The following ELMO1 variants were observed in gnomAD, a reference collection of about 807,000 sequenced individuals.
ELMO1 encodes engulfment and cell motility protein 1.
ELMO1 carries 26 observed loss-of-function variants against 98.9 expected under a neutral mutation model. The observed-to-expected ratio is 0.26, with a 90% CI of 0.19 to 0.36. The LOEUF (loss-of-function observed/expected upper bound fraction) is 0.36. Among genes scored for constraint, ELMO1 ranks in the 10% least tolerant of loss-of-function variants. The pLI, the probability that ELMO1 is intolerant of heterozygous loss-of-function variation, is 1.00. For missense variants in ELMO1, 627 were observed against 935.2 expected, an observed-to-expected ratio of 0.67 and a Z score of 4.30; for synonymous variants, 346 against 346.0, an observed-to-expected ratio of 1.00 and a Z score of 0.00.
At chr7:37,034,727 C>A (rs1584544240) in intron 15 of ELMO1, among the ~76,000 whole-genome samples, 2 of 152,094 alleles carry the variant, frequency 1.3e-5, no homozygotes, top group East Asian at 3.9e-4. Context: ...TAGACTGTTT[C>A]AGTTTCTTTG....
chr7:37,082,678 C>T (rs977886349), intron 15 of ELMO1, among the ~76,000 whole-genome samples: 11 of 152,126 alleles, frequency 7.2e-5, no homozygotes, highest in African/African-American at 2.4e-4. Context: ...TTGCAGTGAG[C>T]TGTGACTGCG....
At chr7:37,420,638 T>C (rs1804433803) in intron 1 of ELMO1, among the ~76,000 whole-genome samples, 2 of 152,354 alleles carry the variant, frequency 1.3e-5, no homozygotes, top group Admixed American at 1.3e-4. Flanking sequence ...TAGACACTGA[T>C]GCCCCGTGTA....
At chr7:37,378,552 G>A (rs1409329743) in intron 1 of ELMO1, among the ~76,000 whole-genome samples, 1 of 151,254 alleles carries the variant, frequency 6.6e-6, no homozygotes, top group Non-Finnish European at 1.5e-5. Context: ...GAGATAAAAG[G>A]AACAAATGTC....
chr7:36,939,658 G>T (rs546994537), intron 16 of ELMO1, among the ~76,000 whole-genome samples: 158 of 152,308 alleles, frequency 1.0e-3, no homozygotes, highest in African/African-American at 3.2e-3. Context: ...TATAGACAAG[G>T]GTTCCCATGT....
At chr7:37,021,193 T>G (rs1046355273) in intron 15 of ELMO1, among the ~76,000 whole-genome samples, 24 of 152,214 alleles carry the variant, frequency 1.6e-4, no homozygotes, top group African/African-American at 4.6e-4. Flanking sequence ...GGTCAAGAAC[T>G]TGAAGTTCCT....
intron 1 of ELMO1, among the ~76,000 whole-genome samples, chr7:37,432,652 T>C (rs1804979350): frequency 1.3e-5 from 2 of 152,196 alleles, no homozygotes; most frequent in African/African-American, 4.8e-5. Context: ...GCTCTCAGAA[T>C]GTAATAAACG....
intron 15 of ELMO1, among the ~76,000 whole-genome samples, chr7:37,064,768 G>T (rs542319726): frequency 1.3e-5 from 2 of 152,168 alleles, no homozygotes; most frequent in East Asian, 3.9e-4. Flanking sequence ...CAGAGACTAG[G>T]CTCCATCAGT....
intron 5 of ELMO1, chr7:37,271,608 A>C (rs746633336): frequency 2.0e-6 from 1 of 506,550 alleles, no homozygotes; most frequent in Non-Finnish European, 3.5e-6. Flanking sequence ...CCTGGGCCGC[A>C]GGTTAGACAA....
chr7:37,144,248 TTCTCTCTC>T (rs150352368), intron 13 of ELMO1, among the ~76,000 whole-genome samples: 1 of 149,472 alleles, frequency 6.7e-6, no homozygotes, highest in African/African-American at 2.4e-5. Flanking sequence ...TATGTTCTCA[TTCTCTCTC>T]TCTCTCTCTC....
intron 13 of ELMO1, among the ~76,000 whole-genome samples, chr7:37,160,022 C>T (rs1009787277): frequency 6.6e-6 from 1 of 152,166 alleles, no homozygotes; most frequent in Non-Finnish European, 1.5e-5. Context: ...TAGTATCTGA[C>T]TATCGCAAAC....
At chr7:36,942,875 C>T (rs1248607067) in intron 16 of ELMO1, among the ~76,000 whole-genome samples, 1 of 152,162 alleles carries the variant, frequency 6.6e-6, no homozygotes, top group East Asian at 1.9e-4. Flanking sequence ...TGATAAGATG[C>T]TCGCAGGAAA....
intron 18 of ELMO1, among the ~76,000 whole-genome samples, chr7:36,887,141 G>A (rs996165735): frequency 6.6e-6 from 1 of 152,118 alleles, no homozygotes; most frequent in Non-Finnish European, 1.5e-5. Flanking sequence ...TGTACACTGG[G>A]CACAATCCTA....
rs562678872 is a variant in ELMO1, at chr7:36,909,646, GA to G, written c.1438-14630del. 3.9e-5 allele frequency among the ~76,000 whole-genome samples: 6 copies of G among 152,328 alleles called. No homozygotes were observed. The East Asian group carries it at 1.2e-3, about 29-fold the overall frequency. ...GGTACACAAAGACTGATTAAATGCT[GA>G]AAAAACTGTAATGCTGAAAATGTTA... On this transcript the variant is annotated intron_variant, in intron 16 of 21. Coordinates refer to ENST00000310758, the MANE Select transcript of ELMO1 (RefSeq NM_014800.11).
At chr7:37,215,951 C>G (rs535082525) in intron 11 of ELMO1, among the ~76,000 whole-genome samples, 5 of 152,128 alleles carry the variant, frequency 3.3e-5, no homozygotes, top group Admixed American at 6.5e-5. Flanking sequence ...TTTGGAATCA[C>G]GCAAACAGAG....
chr7:37,052,801 G>T (rs1038700749), intron 15 of ELMO1, among the ~76,000 whole-genome samples: 4 of 152,216 alleles, frequency 2.6e-5, no homozygotes, highest in Admixed American at 6.5e-5. Context: ...GTAGGGATAA[G>T]GTTAGGGCCA....
chr7:36,914,090 G>C (rs1784522790), intron 16 of ELMO1, among the ~76,000 whole-genome samples: 2 of 152,198 alleles, frequency 1.3e-5, no homozygotes, highest in African/African-American at 4.8e-5. Context: ...ATCTTGAAAG[G>C]AGAGCGTAAG....
At chr7:37,355,722 T>A (rs1562640108) in intron 1 of ELMO1, among the ~76,000 whole-genome samples, 1 of 152,184 alleles carries the variant, frequency 6.6e-6, no homozygotes, top group Non-Finnish European at 1.5e-5. Context: ...TGACCACAGG[T>A]CTAGTCCTCC....
At chr7:37,188,612 A>T (rs1007088373) in intron 13 of ELMO1, among the ~76,000 whole-genome samples, 4 of 151,738 alleles carry the variant, frequency 2.6e-5, no homozygotes, top group South Asian at 2.1e-4. Flanking sequence ...AGTTTTTTTT[A>T]AAACCATAAA....
chr7:36,912,387 G>C (rs1784401296), intron 16 of ELMO1, among the ~76,000 whole-genome samples: 1 of 152,186 alleles, frequency 6.6e-6, no homozygotes, highest in African/African-American at 2.4e-5. Context: ...CACACCTATG[G>C]AAAGACACCT....
Sources: allele counts gnomAD v4.1 joint callset (sites outside exome capture counted in the v4.1 genomes callset), GRCh38; gene constraint gnomAD v4.1.1; transcripts MANE v1.5; gene names NCBI Gene and HGNC (gene_info 2026-07-23, HGNC 2026-07-21).